The following MYH11 variants were observed in gnomAD, a reference collection of about 807,000 sequenced individuals.
MYH11 encodes myosin heavy chain 11.
A neutral mutation model predicts 246.6 loss-of-function variants in MYH11; 80 were observed. That is an observed-to-expected ratio of 0.32 (90% CI 0.27 to 0.39). The LOEUF (loss-of-function observed/expected upper bound fraction) is 0.39, where lower values mean the gene tolerates loss of function less well. Among genes scored for constraint, MYH11 ranks in the 10% least tolerant of loss-of-function variants. The pLI, the probability that MYH11 is intolerant of heterozygous loss-of-function variation, is 1.00. For missense variants in MYH11, 2,158 were observed against 2,546.8 expected, an observed-to-expected ratio of 0.85 and a Z score of 3.29; for synonymous variants, 1,071 against 1,015.5, an observed-to-expected ratio of 1.05 and a Z score of -1.04.
intron 27 of MYH11, among the ~76,000 whole-genome samples, chr16:15,729,069 G>GT (rs1405051202): frequency 6.6e-6 from 1 of 151,882 alleles, no homozygotes; most frequent in Non-Finnish European, 1.5e-5. Flanking sequence ...CTGGATGCCC[G>GT]TCCTCCCTCC....
At chr16:15,839,640 G>C (rs977149205) in intron 1 of MYH11, among the ~76,000 whole-genome samples, 4 of 152,104 alleles carry the variant, frequency 2.6e-5, no homozygotes, top group African/African-American at 9.6e-5. Flanking sequence ...GTTGCAGTGA[G>C]CTGAGATCGC....
At position 15,726,925 on chromosome 16, in the gene MYH11, C is replaced by G. The variant is rs1057518389; in HGVS notation, c.3781G>C (p.Val1261Leu). The G allele has an allele frequency of 6.2e-7, 1 of 1,613,024 alleles. No homozygotes were observed. Among genetic ancestry groups the G allele is most frequent in the Admixed American group, 1.7e-5 (1 of 59,968 alleles). ...EHKKKKLEAQ[V>L]QELQSKCSDG... ...CTGCACTTGGACTGCAGCTCCTGCA[C>G]CTGCGCCTCCAGCTTCTTCTTCTTA... Residue 1261 changes from valine (V) to leucine (L), a missense_variant, in exon 28 of 41, where the codon GTG becomes CTG. Physicochemically the swap from Val to Leu is conservative, Grantham distance 32 (BLOSUM62 1). Transcript: ENST00000300036.
At chr16:15,778,255 T>G (rs1014803089) in intron 7 of MYH11, among the ~76,000 whole-genome samples, 1 of 152,198 alleles carries the variant, frequency 6.6e-6, no homozygotes, top group African/African-American at 2.4e-5. Context: ...TTTTCATCAA[T>G]TTCCTACCTA....
At chr16:15,759,490 C>T in intron 12 of MYH11, 86 bp downstream of exon 12, 3 of 1,571,828 alleles carry the variant, frequency 1.9e-6, no homozygotes, top group Non-Finnish European at 2.6e-6. Context: ...CATCTACATG[C>T]CTTTCTCCAA....
At chr16:15,730,853 ACTG>A (rs1419812393) in intron 27 of MYH11, among the ~76,000 whole-genome samples, 1 of 152,222 alleles carries the variant, frequency 6.6e-6, no homozygotes, top group Admixed American at 6.5e-5. Context: ...AGCATTCGGT[ACTG>A]CTATTTACCA....
chr16:15,789,651 T>C (rs548458466), intron 4 of MYH11, among the ~76,000 whole-genome samples: 1 of 152,326 alleles, frequency 6.6e-6, no homozygotes, highest in South Asian at 2.1e-4. Context: ...GAGGCTTTAC[T>C]TGCCCCAATC....
chr16:15,830,825 C>T (rs968458717), intron 2 of MYH11, among the ~76,000 whole-genome samples: 1 of 151,968 alleles, frequency 6.6e-6, no homozygotes. Context: ...TTGCAGGAGC[C>T]GAGATCGCAC....
At chr16:15,846,196 T>C (rs1280368986) in intron 1 of MYH11, among the ~76,000 whole-genome samples, 5 of 152,088 alleles carry the variant, frequency 3.3e-5, no homozygotes, top group Admixed American at 1.3e-4. Context: ...GCTTGTCAGA[T>C]GCCCATAAAG....
Position 15,753,450 on chromosome 16 carries a change from A to T in MYH11, c.1808T>A (p.Val603Glu). The T allele has an allele frequency of 1.2e-6, 2 of 1,614,120 alleles. No homozygotes were observed. The highest frequency in any genetic ancestry group is 1.7e-6 in the Non-Finnish European group (2 of 1,180,024). ...TKNMDPLNDN[V>E]TSLLNASSDK... is the part of the protein sequence containing the mutation. ...GGAGGAGGCATTGAGCAGGGAAGTC[A>T]CGTTGTCATTCAGCGGGTCCATATT... The change falls in exon 15 of 41, where the codon GTG (valine) becomes GAG (glutamate). Residue 603 changes from valine (V) to glutamate (E), a missense_variant. Val to Glu is a moderately radical substitution (Grantham distance 121, BLOSUM62 -2). Coordinates refer to ENST00000300036, the MANE Select transcript of MYH11 (RefSeq NM_002474.3).
chr16:15,714,940 G>C lies in MYH11; in HGVS notation c.5755C>G (p.Arg1919Gly), dbSNP rs750085824. The C allele has an allele frequency of 6.2e-7, 1 of 1,614,026 alleles. No homozygotes were observed. Among genetic ancestry groups the C allele is most frequent in the Non-Finnish European group, 8.5e-7 (1 of 1,180,040 alleles). The change falls in exon 40 of 41, where the codon CGC becomes GGC. Residue 1919 changes from arginine to glycine, a missense_variant. Arg to Gly is a moderately radical substitution (Grantham distance 125, BLOSUM62 -2). Around this residue, in one of 11 missense-constraint regions of MYH11, gnomAD observed 1,013 missense variants for 993.5 expected, o/e 1.02. Coordinates refer to ENST00000300036, the MANE Select transcript of MYH11 (RefSeq NM_002474.3). ...TTGCTCTTGAGTGCGTTCACCTCGC[G>C]GCCCATGGCCTCGTTGCTCTCCGTG... The part of the protein sequence containing the change: ...EATESNEAMG[R>G]EVNALKSKLR...
intron 4 of MYH11, among the ~76,000 whole-genome samples, chr16:15,793,418 G>C (rs2042660842): frequency 6.6e-6 from 1 of 151,372 alleles, no homozygotes; most frequent in South Asian, 2.1e-4. Flanking sequence ...CCAACCTCCT[G>C]AGTAGCTGGG....
intron 2 of MYH11, among the ~76,000 whole-genome samples, chr16:15,825,460 G>A (rs551867750): frequency 1.8e-4 from 28 of 151,890 alleles, no homozygotes; most frequent in African/African-American, 6.3e-4. Context: ...GGGAGGCTGA[G>A]TCAGGAGGAT....
chr16:15,747,440 A>C (rs2041448659), intron 19 of MYH11, 130 bp downstream of exon 19: 1 of 1,123,154 alleles, frequency 8.9e-7, no homozygotes, highest in Non-Finnish European at 1.3e-6. Context: ...CTTCCCCTTC[A>C]AGAAAAGGCT....
intron 40 of MYH11, among the ~76,000 whole-genome samples, chr16:15,711,860 T>C (rs1467085955): frequency 2.6e-5 from 4 of 152,218 alleles, no homozygotes; most frequent in African/African-American, 7.2e-5. Context: ...ACCCGGCTAA[T>C]TTTTGTGTTT....
chr16:15,733,038 C>T, intron 26 of MYH11: 2 of 408,256 alleles, frequency 4.9e-6, no homozygotes, highest in African/African-American at 2.0e-5. Flanking sequence ...TTACTATATG[C>T]CAGGCCCTGA....
chr16:15,855,022 C>T (rs2044426801), intron 1 of MYH11, among the ~76,000 whole-genome samples: 1 of 152,040 alleles, frequency 6.6e-6, no homozygotes, highest in African/African-American at 2.4e-5. Context: ...ACGAGGGGGC[C>T]GGGGATGGCC....
intron 12 of MYH11, among the ~76,000 whole-genome samples, chr16:15,759,275 G>A (rs2041810898): frequency 6.6e-6 from 1 of 151,638 alleles, no homozygotes; most frequent in African/African-American, 2.4e-5. Flanking sequence ...CCCGTGAGGG[G>A]AGAGCCTGCT....
intron 3 of MYH11, among the ~76,000 whole-genome samples, chr16:15,803,993 G>A (rs1175120931): frequency 6.6e-6 from 1 of 152,194 alleles, no homozygotes; most frequent in African/African-American, 2.4e-5. Flanking sequence ...GGAGCACAGG[G>A]AACTCTGAGA....
At chr16:15,753,954 C>G (rs149689847) in intron 14 of MYH11, among the ~76,000 whole-genome samples, 1 of 151,854 alleles carries the variant, frequency 6.6e-6, no homozygotes, top group Non-Finnish European at 1.5e-5. Flanking sequence ...ACTGGTAATC[C>G]CAGCACTGTG....
Sources: gnomAD v4.1 joint callset for allele counts (sites outside exome capture counted in the v4.1 genomes callset) on GRCh38, gnomAD v4.1.1 for gene constraint, gnomAD v4.1.1 regional missense constraint, MANE v1.5 for transcripts, NCBI Gene and HGNC (gene_info 2026-07-23, HGNC 2026-07-21) for gene names.